KCNQ1: variants seen among roughly 807,000 people sequenced by gnomAD.
KCNQ1 encodes the protein potassium voltage-gated channel subfamily Q member 1.
In KCNQ1, 49 loss-of-function variants were observed where a neutral mutation model predicts 72.4. The ratio of observed to expected loss-of-function variants is 0.68; its 90% CI spans 0.54 to 0.86. The LOEUF (loss-of-function observed/expected upper bound fraction) is 0.86, where lower values mean the gene tolerates loss of function less well. KCNQ1 is among the 40% of genes least tolerant of loss of function. The pLI is 0.00. For synonymous variants in KCNQ1, 450 were observed against 412.6 expected (o/e 1.09, Z -1.10); for missense variants, 790 against 945.1 (o/e 0.84, Z 2.15).
chr11:2,610,716 CTTTTTT>C (rs1167505141), intron 10 of KCNQ1: 1,192 of 228,860 alleles, frequency 5.2e-3, no homozygotes, highest in East Asian at 0.011. Flanking sequence ...TCTTGGTTGG[CTTTTTT>C]TTTTTTTTTT....
intron 10 of KCNQ1, chr11:2,639,889 A>G (rs540564365): frequency 2.1e-4 from 32 of 153,204 alleles, no homozygotes; most frequent in African/African-American, 6.3e-4. Context: ...CACTTTGTTT[A>G]CCTACTCAAG....
rs1032270184 is a variant in KCNQ1 at position 2,723,163 on chromosome 11, G to A, written c.1515-45681G>A. Among the ~76,000 whole-genome samples the A allele has an allele frequency of 1.3e-5, 2 of 152,214 alleles. No individual in the cohort carries two copies. Among genetic ancestry groups the A allele is most frequent in the South Asian group, 2.1e-4 (1 of 4,834 alleles). On this transcript the variant is annotated intron_variant, in intron 11 of 15. Transcript: ENST00000155840. This position sits in a 1 kb window ranked among gnomAD's most constrained non-coding sequence, Gnocchi z 4.2. ...CTTCCTCTTGGCTCCGCCTTCCTCCGTGGTGGCCTGAGAGGGGTGTGGTGC... is the reference window on the plus strand; with the variant it reads ...CTTCCTCTTGGCTCCGCCTTCCTCCATGGTGGCCTGAGAGGGGTGTGGTGC...
intron 15 of KCNQ1, among the ~76,000 whole-genome samples, chr11:2,822,818 A>G (rs233450): frequency 0.25 from 38,110 of 152,176 alleles, 4,803 homozygotes; most frequent in Non-Finnish European, 0.29. Flanking sequence ...TCACCATTGT[A>G]AGATCTGAAA....
Position 2,670,963 on chromosome 11 carries a change from C to G in KCNQ1, c.1514+8882C>G, listed in dbSNP as rs1477146279. On this transcript the variant is annotated intron_variant, in intron 11 of 15. Transcript: ENST00000155840. The surrounding 1 kb of genome is among the most constrained non-coding windows in gnomAD (Gnocchi z 4.9). ...CAGCTTCATGCCTTCTTATGGTGCC[C>G]CAGAGCCCCTGGCTAGGCATTCATG... is the stretch of plus-strand genomic sequence containing the variant. 2 of 398,532 alleles carry G rather than the reference C, an allele frequency of 5.0e-6. No homozygotes were observed. Among genetic ancestry groups the G allele is most frequent in the Non-Finnish European group, 8.8e-6 (2 of 226,098 alleles). The allele number at this position is 398,532 out of a possible 1,614,324, so 24.7% of individuals were successfully genotyped here.
At chr11:2,614,622 T>C in intron 10 of KCNQ1, 2 of 398,482 alleles carry the variant, frequency 5.0e-6, no homozygotes, top group Non-Finnish European at 8.8e-6. Context: ...CCAGCACCAT[T>C]TGTTAAAAGA....
intron 11 of KCNQ1, among the ~76,000 whole-genome samples, chr11:2,742,647 T>A (rs1846076066): frequency 6.6e-6 from 1 of 152,200 alleles, no homozygotes; most frequent in African/African-American, 2.4e-5. Flanking sequence ...GCTCGGTGTT[T>A]GTCCAGGCTC....
At chr11:2,619,561 G>A (rs1849128761) in intron 10 of KCNQ1, 1 of 398,470 alleles carries the variant, frequency 2.5e-6, no homozygotes, top group African/African-American at 2.1e-5. Context: ...GTTAAATTTA[G>A]TCTGCCAATA....
rs1289175155 is a variant in KCNQ1, at chr11:2,663,260, C to T, written c.1514+1179C>T. ...TCACTGGAAAGCAGGGGTGACTAGTCATGGACACCCTGAGAATAGGGCTCT... is the reference window on the plus strand; with the variant it reads ...TCACTGGAAAGCAGGGGTGACTAGTTATGGACACCCTGAGAATAGGGCTCT... On this transcript the variant is annotated intron_variant, in intron 11 of 15. Coordinates refer to ENST00000155840, the MANE Select transcript of KCNQ1 (RefSeq NM_000218.3). This position sits in a 1 kb window ranked among gnomAD's most constrained non-coding sequence, Gnocchi z 5.2. 2.5e-6 allele frequency: 1 copy of T among 398,716 alleles called. No homozygotes were observed. 24.7% of individuals were successfully genotyped at this position (398,716 alleles called of 1,614,324 possible).
At chr11:2,643,658 TTGA>T in intron 10 of KCNQ1, 1 of 398,554 alleles carries the variant, frequency 2.5e-6, no homozygotes, top group Non-Finnish European at 4.4e-6. Flanking sequence ...AAGGTTATTG[TTGA>T]TATGTGAGGG....
rs573423249 is a variant in KCNQ1, at chr11:2,571,956, G to A, written c.684-57G>A. 2.0e-4 allele frequency: 296 copies of A among 1,473,444 alleles called. 2 individuals are homozygous for A. The South Asian group carries it at 2.7e-3, about 13-fold the overall frequency. The allele number at this position is 1,473,444 out of a possible 1,614,324, so 91.3% of individuals were successfully genotyped here. A position where few individuals can be genotyped will look rare whatever the true frequency, so the allele number is the denominator to read the frequency against. On this transcript the variant is annotated intron_variant, in intron 4 of 15. Coordinates refer to ENST00000155840, the MANE Select transcript of KCNQ1 (RefSeq NM_000218.3). The stretch of plus-strand genomic sequence containing the variant: ...CATGCCATCGGCCAGCCCTAGGCCC[G>A]GCGTGAACAGCTGAGCCCAGCCTGG...
chr11:2,679,861 T>TC lies in KCNQ1; in HGVS notation c.1514+17780_1514+17781insC, dbSNP rs1850359504. On this transcript the variant is annotated intron_variant, in intron 11 of 15. Transcript: ENST00000155840. The surrounding 1 kb of genome is among the most constrained non-coding windows in gnomAD (Gnocchi z 4.8). ...TTTTATAGGACATGCATTTTTTTCATATAAACTTAGAACTAGCACGCCTAA... is the reference window on the plus strand; with the variant it reads ...TTTTATAGGACATGCATTTTTTTCATCATAAACTTAGAACTAGCACGCCTAA... The TC allele has an allele frequency of 2.5e-6, 1 of 398,474 alleles. No individual in the cohort carries two copies. Among genetic ancestry groups the TC allele is most frequent in the South Asian group, 1.3e-4 (1 of 7,852 alleles). The allele number at this position is 398,474 out of a possible 1,614,324, so 24.7% of individuals were successfully genotyped here.
chr11:2,573,558 G>A (rs541152355), intron 6 of KCNQ1, among the ~76,000 whole-genome samples: 2 of 152,364 alleles, frequency 1.3e-5, no homozygotes, highest in South Asian at 2.1e-4. Flanking sequence ...TTCTGGAGCC[G>A]GGCCTGGGCA....
intron 6 of KCNQ1, among the ~76,000 whole-genome samples, chr11:2,574,571 G>A (rs1039806597): frequency 3.3e-5 from 5 of 152,154 alleles, no homozygotes; most frequent in Admixed American, 2.0e-4. Context: ...GCTGGCTCTC[G>A]GGACCCCCCA....
At position 2,508,000 on chromosome 11, in the gene KCNQ1, G is replaced by C. The variant is rs1400481931; in HGVS notation, c.387-19928G>C. Among the ~76,000 whole-genome samples the C allele has an allele frequency of 6.6e-6, 1 of 152,114 alleles. No homozygotes were observed. The highest frequency in any genetic ancestry group is 2.4e-5 in the African/African-American group (1 of 41,428). On this transcript the variant is annotated intron_variant, in intron 1 of 15. Transcript: ENST00000155840. This position sits in a 1 kb window ranked among gnomAD's most constrained non-coding sequence, Gnocchi z 5.4. ...ATTCCACACACGTATGTGGGAGTCT[G>C]GGTCCTGGTGGGTCCCAGCCCCGTA...
In KCNQ1 at chr11:2,481,366, C is replaced by T. The variant is rs976416817; in HGVS notation, c.386+35882C>T. On this transcript the variant is annotated intron_variant, in intron 1 of 15. Transcript: ENST00000155840. The surrounding 1 kb of genome is among the most constrained non-coding windows in gnomAD (Gnocchi z 4.6). Reference sequence around the variant, plus strand: ...TTTTCTCGGCGTGTGTGTGTGCGCGCGTGCATGCACATGTTTCTACTTGGT... The same window carrying T: ...TTTTCTCGGCGTGTGTGTGTGCGCGTGTGCATGCACATGTTTCTACTTGGT... Among the ~76,000 whole-genome samples, 9 of 152,014 alleles carry T rather than the reference C, an allele frequency of 5.9e-5. No homozygotes were observed. The highest frequency in any genetic ancestry group is 1.0e-4 in the Non-Finnish European group (7 of 67,988).
rs1347471540 is a variant in KCNQ1 at position 2,478,807 on chromosome 11, GC to G, written c.386+33324del. Among the ~76,000 whole-genome samples the G allele has an allele frequency of 2.0e-5, 3 of 152,142 alleles. No homozygotes were observed. Among genetic ancestry groups the G allele is most frequent in the Non-Finnish European group, 4.4e-5 (3 of 68,040 alleles). ...CATTTCAGCATTAACTCAAAAATCT[GC>G]AGTCCAAAGTCTCATCTGAGACCAG... On this transcript the variant is annotated intron_variant, in intron 1 of 15. Coordinates refer to ENST00000155840, the MANE Select transcript of KCNQ1 (RefSeq NM_000218.3). The surrounding 1 kb of genome is among the most constrained non-coding windows in gnomAD (Gnocchi z 4.0).
At chr11:2,554,743 C>G (rs1450718623) in intron 2 of KCNQ1, among the ~76,000 whole-genome samples, 1 of 152,218 alleles carries the variant, frequency 6.6e-6, no homozygotes, top group Non-Finnish European at 1.5e-5. Context: ...GACAAGTCTG[C>G]TTTTGACTCT....
chr11:2,802,074 A>G (rs1467094089), intron 15 of KCNQ1, among the ~76,000 whole-genome samples: 1 of 152,192 alleles, frequency 6.6e-6, no homozygotes. Flanking sequence ...CGGTGGGCAC[A>G]TTCACCCAGA....
intron 10 of KCNQ1, chr11:2,644,227 T>C: frequency 2.5e-6 from 1 of 398,414 alleles, no homozygotes; most frequent in Non-Finnish European, 4.4e-6. Flanking sequence ...ACACTGAAGG[T>C]GTCACCTTAT....
Sources: allele counts gnomAD v4.1 joint callset (sites outside exome capture counted in the v4.1 genomes callset), GRCh38; gene constraint gnomAD v4.1.1; non-coding constraint Gnocchi (gnomAD v3.1); transcripts MANE v1.5; gene names NCBI Gene and HGNC (gene_info 2026-07-23, HGNC 2026-07-21).